The following EDEM2 variants were observed in gnomAD, a reference collection of about 807,000 sequenced individuals.
EDEM2 encodes the protein ER degradation enhancing alpha-mannosidase like protein 2.
Under a neutral mutation model 64.8 loss-of-function variants are expected in EDEM2, and 39 were observed. The ratio of observed to expected loss-of-function variants is 0.60; its 90% CI spans 0.47 to 0.79. The LOEUF (loss-of-function observed/expected upper bound fraction) is 0.79, where lower values mean the gene tolerates loss of function less well. Among genes scored for constraint, EDEM2 ranks in the 30% least tolerant of loss-of-function variants. The probability of loss-of-function intolerance (pLI) is 0.00; values close to 1 mark genes in which losing one functional copy is unlikely to be tolerated. For missense variants in EDEM2, 609 were observed against 731.3 expected (o/e 0.83, Z 1.93); for synonymous variants, 296 against 291.5 (o/e 1.02, Z -0.16).
intron 10 of EDEM2, among the ~76,000 whole-genome samples, chr20:35,117,538 C>G (rs945126631): frequency 6.6e-6 from 1 of 152,216 alleles, no homozygotes; most frequent in African/African-American, 2.4e-5. Flanking sequence ...TCACACAATA[C>G]AGCATATTAG....
chr20:35,119,509 C>G (rs556723037), intron 9 of EDEM2, among the ~76,000 whole-genome samples: 14 of 152,308 alleles, frequency 9.2e-5, no homozygotes, highest in South Asian at 8.3e-4. Flanking sequence ...AGGAGGATCA[C>G]TTGAGCCCAG....
At chr20:35,124,097 A>G (rs989181049) in intron 8 of EDEM2, 63 bp from the exon 9 acceptor site, 1 of 1,564,226 alleles carries the variant, frequency 6.4e-7, no homozygotes, top group Non-Finnish European at 8.7e-7. Flanking sequence ...AGACAACCTT[A>G]AGAAAAGACA....
intron 4 of EDEM2, 151 bp from the exon 5 acceptor site, chr20:35,138,156 C>T (rs1393151533): frequency 2.6e-6 from 3 of 1,159,074 alleles, no homozygotes; most frequent in Non-Finnish European, 3.6e-6. Context: ...TAAAAACAAA[C>T]AAACAAAAAC....
intron 7 of EDEM2, among the ~76,000 whole-genome samples, chr20:35,129,249 T>C (rs554123952): frequency 9.9e-5 from 15 of 151,922 alleles, no homozygotes; most frequent in African/African-American, 3.4e-4. Context: ...TCTACTAAAA[T>C]ACAAAAAATT....
Position 35,134,818 on chromosome 20 carries a change from G to T in EDEM2, c.622C>A (p.Leu208Ile). Residue 208 changes from leucine to isoleucine, a missense_variant, in exon 6 of 11, where the codon CTC (leucine) becomes ATC (isoleucine). Physicochemically the swap from Leu to Ile is conservative, Grantham distance 5. Transcript: ENST00000374492. The part of the protein sequence containing the change: ...FIVEFATLSS[L>I]TGDPVFEDVA... ...TCTTCGAACACCGGGTCACCAGTGA[G>T]GCTGCTCAGGGTGGCAAATTCAACA... The T allele has an allele frequency of 6.2e-7, 1 of 1,614,156 alleles. No homozygotes were observed. Among genetic ancestry groups the T allele is most frequent in the Non-Finnish European group, 8.5e-7 (1 of 1,180,040 alleles).
intron 4 of EDEM2, among the ~76,000 whole-genome samples, chr20:35,138,215 G>GA (rs1024156624): frequency 1.3e-5 from 2 of 152,086 alleles, no homozygotes; most frequent in African/African-American, 4.8e-5. Context: ...GCCACCCAGC[G>GA]AAAAAAGAGT....
In EDEM2 at chr20:35,147,286, C is replaced by G. The variant is rs889598948; in HGVS notation, c.-28G>C. On this transcript the variant is annotated 5_prime_UTR_variant, in exon 1 of 11. Transcript: ENST00000374492. ...AGCTCGTGTCCTCTCAGCGCCCCCG[C>G]AGCAGCAGCAGCCACTGCAACCAGT... 7.5e-6 allele frequency: 11 copies of G among 1,462,580 alleles called. No individual in the cohort carries two copies. Among genetic ancestry groups the G allele is most frequent in the African/African-American group, 1.4e-5 (1 of 70,044 alleles). The allele number at this position is 1,462,580 out of a possible 1,614,324, so 90.6% of individuals were successfully genotyped here.
At position 35,123,960 on chromosome 20, in the gene EDEM2, C is replaced by G; in HGVS notation, c.1044G>C (p.Gly348=). ...GAGGAATGTTGTAGAATTCCGGGAG[C>G]CCCCCAAACTGCTTCCATACAGTGT... is the stretch of plus-strand genomic sequence containing the variant. The part of the protein sequence containing the change: ...NYYTVWKQFG[G]LPEFYNIPQG... The change falls in exon 9 of 11, where the codon GGG becomes GGC. Residue 348 remains glycine (G), a synonymous_variant. Transcript: ENST00000374492. 6.2e-7 allele frequency: 1 copy of G among 1,614,152 alleles called. No homozygotes were observed. The highest frequency in any genetic ancestry group is 8.5e-7 in the Non-Finnish European group (1 of 1,180,024).
chr20:35,131,816 G>A, intron 6 of EDEM2, 33 bp from the exon 7 acceptor site: 2 of 1,604,046 alleles, frequency 1.2e-6, no homozygotes, highest in Non-Finnish European at 1.7e-6. Context: ...GTCCCAACGG[G>A]AAGGCCGATG....
chr20:35,126,018 G>A (rs551060739), intron 8 of EDEM2, among the ~76,000 whole-genome samples: 18 of 152,216 alleles, frequency 1.2e-4, no homozygotes, highest in African/African-American at 4.1e-4. Context: ...ATGCACTGTC[G>A]ACTTTAAGTA....
chr20:35,138,157 A>G (rs2146109201), intron 4 of EDEM2, 152 bp from the exon 5 acceptor site: 1 of 1,155,852 alleles, frequency 8.7e-7, no homozygotes. Context: ...AAAAACAAAC[A>G]AACAAAAACC....
At chr20:35,142,211 C>T (rs892569480) in intron 4 of EDEM2, among the ~76,000 whole-genome samples, 162 bp downstream of exon 4, 8 of 152,182 alleles carry the variant, frequency 5.3e-5, no homozygotes, top group Non-Finnish European at 8.8e-5. Context: ...CTGAGACTTC[C>T]CCACCTCACC....
At chr20:35,118,469 G>C (rs1047863535) in intron 10 of EDEM2, 129 bp downstream of exon 10, 12 of 1,378,522 alleles carry the variant, frequency 8.7e-6, no homozygotes, top group Non-Finnish European at 1.2e-5. Context: ...TAAAATATGA[G>C]CATTATGTAT....
At chr20:35,122,404 G>A (rs891745677) in intron 9 of EDEM2, among the ~76,000 whole-genome samples, 1 of 151,854 alleles carries the variant, frequency 6.6e-6, no homozygotes, top group African/African-American at 2.4e-5. Flanking sequence ...ATGGAGTTTT[G>A]CTCTTTTTTG....
intron 9 of EDEM2, among the ~76,000 whole-genome samples, chr20:35,120,589 T>G (rs919919158): frequency 3.2e-5 from 3 of 93,924 alleles, no homozygotes; most frequent in Non-Finnish European, 7.5e-5. Context: ...TTTTTCGGCT[T>G]CTTCTTTTTT....
At chr20:35,143,838 T>C (rs1186903965) in intron 3 of EDEM2, among the ~76,000 whole-genome samples, 1 of 152,184 alleles carries the variant, frequency 6.6e-6, no homozygotes. Context: ...CCTCCCAAAG[T>C]GCTGGGATTA....
At chr20:35,122,159 G>A (rs533441393) in intron 9 of EDEM2, among the ~76,000 whole-genome samples, 58 of 152,200 alleles carry the variant, frequency 3.8e-4, no homozygotes, top group Non-Finnish European at 7.1e-4. Flanking sequence ...CCTCTGTTAA[G>A]TAGCAAGCTC....
At position 35,115,818 on chromosome 20, in the gene EDEM2, C is replaced by T; in HGVS notation, c.1352G>A (p.Gly451Glu). ...FDPTNFIHNN[G>E]STFDAVITPY... ...GGTGATCACCGCGTCGAAGGTGGAC[C>T]CATTGTTGTGGATGAAGTTGGTTGG... The change falls in exon 11 of 11, where the codon GGG becomes GAG. Residue 451 changes from glycine (G) to glutamate (E), a missense_variant. By Grantham distance (98) the Gly-to-Glu change is moderately conservative. Coordinates refer to ENST00000374492, the MANE Select transcript of EDEM2 (RefSeq NM_018217.3). 1 of 1,613,440 alleles carries T rather than the reference C, an allele frequency of 6.2e-7. No individual in the cohort carries two copies. Among genetic ancestry groups the T allele is most frequent in the Non-Finnish European group, 8.5e-7 (1 of 1,180,024 alleles).
chr20:35,118,793 G>A, intron 9 of EDEM2, 74 bp from the exon 10 acceptor site: 2 of 1,584,730 alleles, frequency 1.3e-6, no homozygotes. Flanking sequence ...AGGGCCGTGA[G>A]GGACTACTCC....
Sources: allele counts gnomAD v4.1 joint callset (sites outside exome capture counted in the v4.1 genomes callset), GRCh38; gene constraint gnomAD v4.1.1; transcripts MANE v1.5; gene names NCBI Gene and HGNC (gene_info 2026-07-23, HGNC 2026-07-21).